PRUNE2: variants seen among roughly 807,000 people sequenced by gnomAD.
PRUNE2 encodes the protein protein prune homolog 2.
A neutral mutation model predicts 252.0 loss-of-function variants in PRUNE2; 164 were observed. The observed-to-expected ratio is 0.65, with a 90% CI of 0.57 to 0.74. PRUNE2 has a LOEUF of 0.74. Among genes scored for constraint, PRUNE2 ranks in the 30% least tolerant of loss-of-function variants. The probability of loss-of-function intolerance (pLI) is 0.00; values close to 1 mark genes in which losing one functional copy is unlikely to be tolerated. For synonymous variants in PRUNE2, 1,292 were observed against 1,350.2 expected (o/e 0.96, Z 0.94); for missense variants, 3,495 against 3,711.0 (o/e 0.94, Z 1.51).
chr9:76,804,338 G>C (rs1374873686), intron 6 of PRUNE2, among the ~76,000 whole-genome samples: 1 of 152,198 alleles, frequency 6.6e-6, no homozygotes, highest in Non-Finnish European at 1.5e-5. Context: ...TCCTCACAGG[G>C]AACCCATGTG....
chr9:76,791,905 G>A (rs887649601), intron 6 of PRUNE2, among the ~76,000 whole-genome samples: 30 of 152,136 alleles, frequency 2.0e-4, no homozygotes, highest in Middle Eastern at 3.2e-3. Flanking sequence ...GAGAGATGCT[G>A]GTAGGACCTG....
chr9:76,624,619 A>G, intron 16 of PRUNE2, 129 bp from the exon 17 acceptor site: 1 of 537,494 alleles, frequency 1.9e-6, no homozygotes, highest in Non-Finnish European at 3.1e-6. Flanking sequence ...TGTCTTCTGG[A>G]GCCCTGAGAC....
chr9:76,783,653 G>T (rs879774664), intron 6 of PRUNE2: 3 of 151,962 alleles, frequency 2.0e-5, no homozygotes, highest in Non-Finnish European at 4.4e-5. Context: ...CAAGTTCAGG[G>T]TATGCTGACA....
chr9:76,720,185 G>A (rs1490104125), intron 6 of PRUNE2, among the ~76,000 whole-genome samples: 1 of 152,128 alleles, frequency 6.6e-6, no homozygotes, highest in Non-Finnish European at 1.5e-5. Context: ...AGTGTTAACT[G>A]GAAGATAATT....
chr9:76,837,832 C>T lies in PRUNE2; in HGVS notation c.508+8683G>A, dbSNP rs868715479. 1.2e-3 allele frequency among the ~76,000 whole-genome samples: 183 copies of T among 148,632 alleles called. 1 individual carries two copies. The highest frequency in any genetic ancestry group is 2.1e-3 in the Non-Finnish European group (142 of 67,566). ...TGTCGCCCAGGCTGGAGTGCAGTGG[C>T]GCAATCTCGGCTCACTGCAAGCTCT... On this transcript the variant is annotated intron_variant, in intron 4 of 18. Transcript: ENST00000376718.
chr9:76,844,173 A>G (rs1223401395), intron 4 of PRUNE2, among the ~76,000 whole-genome samples: 1 of 152,180 alleles, frequency 6.6e-6, no homozygotes, highest in Admixed American at 6.5e-5. Flanking sequence ...GTTCCGTGAT[A>G]TGGTTTGGAT....
chr9:76,846,744 T>A, intron 3 of PRUNE2, 66 bp from the exon 4 acceptor site: 1 of 1,399,124 alleles, frequency 7.1e-7, no homozygotes, highest in Admixed American at 1.9e-5. Flanking sequence ...TTTGGAATGT[T>A]TAAATCTCTG....
intron 6 of PRUNE2, chr9:76,819,492 A>C (rs1319018421): frequency 1.3e-5 from 2 of 152,220 alleles, no homozygotes; most frequent in Admixed American, 6.5e-5. Context: ...GAAGGAACTT[A>C]TCCTACCAAC....
rs550030416 is a variant in PRUNE2 at position 76,693,439 on chromosome 9, C to CTTTTTT, written c.8276+9892_8276+9897dup. ...TGCTTAAGAGATGTTAGCACCTACT[C>CTTTTTT]TTTTTTTTTTTTTTTTTTTTTGGAG... On this transcript the variant is annotated intron_variant, in intron 9 of 18. Transcript: ENST00000376718. Among the ~76,000 whole-genome samples, 38 of 108,034 alleles carry CTTTTTT rather than the reference C, an allele frequency of 3.5e-4. 1 individual carries two copies. Among genetic ancestry groups the CTTTTTT allele is most frequent in the African/African-American group, 9.6e-4 (26 of 27,048 alleles). The allele number at this position is 108,034 out of a possible 152,430, so 70.9% of individuals were successfully genotyped here. A position where few individuals can be genotyped will look rare whatever the true frequency, so the allele number is the denominator to read the frequency against.
intron 6 of PRUNE2, among the ~76,000 whole-genome samples, chr9:76,815,090 A>G (rs1018354945): frequency 2.0e-5 from 3 of 152,108 alleles, no homozygotes; most frequent in Non-Finnish European, 4.4e-5. Flanking sequence ...GATTTCTGGG[A>G]CCTGAAGAGG....
intron 4 of PRUNE2, among the ~76,000 whole-genome samples, chr9:76,835,985 T>C (rs988997910): frequency 2.7e-4 from 41 of 152,224 alleles, no homozygotes; most frequent in African/African-American, 9.6e-4. Flanking sequence ...GTCTTGTGGC[T>C]CCTGTCAAGG....
intron 6 of PRUNE2, chr9:76,737,455 C>T (rs2049179228): frequency 6.6e-6 from 1 of 152,202 alleles, no homozygotes; most frequent in African/African-American, 2.4e-5. Flanking sequence ...ATTACAGGTC[C>T]CGTATTCAGA....
intron 9 of PRUNE2, among the ~76,000 whole-genome samples, chr9:76,683,808 T>G (rs1310233601): frequency 6.6e-6 from 1 of 151,970 alleles, no homozygotes; most frequent in African/African-American, 2.4e-5. Context: ...TGCATGTATT[T>G]ATCTATATAT....
chr9:76,725,176 C>T (rs2048003100), intron 6 of PRUNE2, among the ~76,000 whole-genome samples: 1 of 152,100 alleles, frequency 6.6e-6, no homozygotes, highest in African/African-American at 2.4e-5. Flanking sequence ...CTCTGGGTTC[C>T]CCTTTCTGAT....
chr9:76,850,749 G>A, intron 2 of PRUNE2, 84 bp from the exon 3 acceptor site: 1 of 1,042,790 alleles, frequency 9.6e-7, no homozygotes, highest in Non-Finnish European at 1.5e-6. Flanking sequence ...GGGGGTAACT[G>A]GTAAAAGGAA....
chr9:76,623,298 AT>A (rs756782306), intron 17 of PRUNE2, among the ~76,000 whole-genome samples: 237 of 143,962 alleles, frequency 1.6e-3, no homozygotes, highest in Middle Eastern at 3.5e-3. Context: ...GAATGACTGG[AT>A]TTTTTTTTTT....
chr9:76,893,438 C>A (rs1165483199), intron 1 of PRUNE2, among the ~76,000 whole-genome samples: 1 of 152,208 alleles, frequency 6.6e-6, no homozygotes, highest in Admixed American at 6.5e-5. Context: ...ACAGCCCTCC[C>A]TGAAGTGATG....
intron 6 of PRUNE2, among the ~76,000 whole-genome samples, chr9:76,777,065 G>T (rs1452660975): frequency 6.6e-6 from 1 of 151,940 alleles, no homozygotes; most frequent in African/African-American, 2.4e-5. Flanking sequence ...TTCCTCTTGG[G>T]CCCTTCTTTC....
At chr9:76,865,507 T>C (rs1025761265) in intron 1 of PRUNE2, among the ~76,000 whole-genome samples, 12 of 152,200 alleles carry the variant, frequency 7.9e-5, no homozygotes, top group Admixed American at 5.2e-4. Flanking sequence ...CTCAGCCAAC[T>C]GAGATCCTCA....
Sources: allele counts gnomAD v4.1 joint callset (sites outside exome capture counted in the v4.1 genomes callset), GRCh38; gene constraint gnomAD v4.1.1; transcripts MANE v1.5; gene names NCBI Gene and HGNC (gene_info 2026-07-23, HGNC 2026-07-21).